The following RYR2 variants were observed in gnomAD, a reference collection of about 807,000 sequenced individuals.
RYR2 encodes the protein cardiac muscle ryanodine receptor-calcium release channel.
In RYR2, 227 loss-of-function variants were observed where a neutral mutation model predicts 601.1. The observed-to-expected ratio is 0.38, with a 90% CI of 0.34 to 0.42. The LOEUF (loss-of-function observed/expected upper bound fraction) is 0.42, where lower values mean the gene tolerates loss of function less well. Ranked by LOEUF, RYR2 falls within the 10% of genes least tolerant of loss-of-function variation. RYR2 has a pLI of 1.00. For synonymous variants in RYR2, 2,223 were observed against 2,175.1 expected (o/e 1.02, Z -0.61); for missense variants, 4,646 against 6,156.5 (o/e 0.75, Z 8.21).
chr1:237,654,372 A>T lies in RYR2; in HGVS notation c.7923A>T (p.Ser2641=), dbSNP rs1683045769. 6.2e-7 allele frequency: 1 copy of T among 1,613,968 alleles called. No homozygotes were observed. The highest frequency in any genetic ancestry group is 1.6e-4 in the Middle Eastern group (1 of 6,062). ...GAASEEELHL[S]RKLFWGIFDA... ...CCTCAGAAGAAGAACTTCATTTATC[A>T]AGAAAGTTGTTCTGGGGCATTTTTG... Residue 2641 remains serine (S), a synonymous_variant, in exon 52 of 105, where the codon TCA becomes TCT. Transcript: ENST00000366574.
chr1:237,632,520 G>A (rs920522702), intron 42 of RYR2, among the ~76,000 whole-genome samples: 2 of 151,002 alleles, frequency 1.3e-5, no homozygotes, highest in Admixed American at 6.6e-5. Context: ...TCAGCCTGCC[G>A]AGTGGCTGGG....
At chr1:237,627,771 T>A in intron 40 of RYR2, 36 bp from the exon 41 acceptor site, 1 of 1,528,168 alleles carries the variant, frequency 6.5e-7, no homozygotes, top group Non-Finnish European at 8.8e-7. Flanking sequence ...TCTTCTCTTA[T>A]TTTTCTTTTA....
chr1:237,746,562 T>C (rs968363711), intron 80 of RYR2, among the ~76,000 whole-genome samples: 39 of 152,184 alleles, frequency 2.6e-4, no homozygotes, highest in African/African-American at 8.7e-4. Context: ...GTTCATATGA[T>C]CCTGTTAAAT....
chr1:237,209,597 A>G (rs969126259), intron 1 of RYR2, among the ~76,000 whole-genome samples: 14 of 151,500 alleles, frequency 9.2e-5, no homozygotes, highest in African/African-American at 3.4e-4. Flanking sequence ...TTCTGCCTGT[A>G]ATCCCAGCAC....
At chr1:237,724,391 A>G (rs1262592737) in intron 74 of RYR2, among the ~76,000 whole-genome samples, 3 of 151,542 alleles carry the variant, frequency 2.0e-5, no homozygotes, top group Non-Finnish European at 4.4e-5. Context: ...TAATGCAAAG[A>G]TATCATCTAA....
At chr1:237,262,975 G>A (rs1040819212) in intron 1 of RYR2, among the ~76,000 whole-genome samples, 2 of 151,916 alleles carry the variant, frequency 1.3e-5, no homozygotes, top group Non-Finnish European at 2.9e-5. Flanking sequence ...TGACTGATTC[G>A]TTTAGATTAT....
intron 80 of RYR2, among the ~76,000 whole-genome samples, chr1:237,744,845 GGA>G (rs1386358880): frequency 6.9e-6 from 1 of 145,334 alleles, no homozygotes; most frequent in Non-Finnish European, 1.5e-5. Context: ...GTGTCAGGCT[GGA>G]GTGCAGTGGC....
intron 43 of RYR2, 42 bp from the exon 44 acceptor site, chr1:237,634,847 A>G: frequency 6.8e-7 from 1 of 1,464,664 alleles, no homozygotes; most frequent in Non-Finnish European, 9.4e-7. Flanking sequence ...TTATAGTTAC[A>G]GCACGATCCA....
chr1:237,758,576 T>C (rs953063197), intron 82 of RYR2, among the ~76,000 whole-genome samples: 1 of 152,242 alleles, frequency 6.6e-6, no homozygotes, highest in Non-Finnish European at 1.5e-5. Flanking sequence ...TATATGCATA[T>C]GTGCATATAC....
intron 25 of RYR2, among the ~76,000 whole-genome samples, chr1:237,539,803 A>G (rs1240626033): frequency 1.3e-5 from 2 of 152,162 alleles, no homozygotes; most frequent in African/African-American, 4.8e-5. Flanking sequence ...ACGTTTACCT[A>G]TGTAACCTGC....
At chr1:237,584,877 C>T (rs991952752) in intron 29 of RYR2, among the ~76,000 whole-genome samples, 1 of 150,098 alleles carries the variant, frequency 6.7e-6, no homozygotes, top group African/African-American at 2.4e-5. Context: ...AACTCCTAAG[C>T]AGTGTGCCCA....
At chr1:237,138,540 G>C (rs1212063260) in intron 1 of RYR2, among the ~76,000 whole-genome samples, 3 of 152,066 alleles carry the variant, frequency 2.0e-5, no homozygotes, top group Non-Finnish European at 4.4e-5. Context: ...TTTTTTATTA[G>C]ATTGGTGGTT....
chr1:237,488,746 G>A (rs1662983980), intron 17 of RYR2, among the ~76,000 whole-genome samples: 2 of 151,700 alleles, frequency 1.3e-5, no homozygotes. Flanking sequence ...AATGTACTTT[G>A]TACACCTACC....
intron 48 of RYR2, among the ~76,000 whole-genome samples, chr1:237,644,076 C>G (rs1681869592): frequency 6.6e-6 from 1 of 152,118 alleles, no homozygotes. Flanking sequence ...GTCGCAAGCT[C>G]TTCTGTCTTT....
rs547782417 is a variant in RYR2 at position 237,566,505 on chromosome 1, A to G, written c.3215-62A>G. ...TATCTTTCCTTCTTTTATTTATGATATCTTTCCTTCTCTTTCACCTCCCCA... is the reference window on the plus strand; with the variant it reads ...TATCTTTCCTTCTTTTATTTATGATGTCTTTCCTTCTCTTTCACCTCCCCA... On this transcript the variant is annotated intron_variant, in intron 27 of 104. Coordinates refer to ENST00000366574, the MANE Select transcript of RYR2 (RefSeq NM_001035.3). 30 of 1,483,310 alleles carry G rather than the reference A, an allele frequency of 2.0e-5. No individual in the cohort carries two copies. In the African/African-American group the frequency reaches 3.2e-4, roughly 16 times the overall value. 91.9% of individuals were successfully genotyped at this position (1,483,310 alleles called of 1,614,324 possible). A position where few individuals can be genotyped will look rare whatever the true frequency, so the allele number is the denominator to read the frequency against.
intron 98 of RYR2, among the ~76,000 whole-genome samples, chr1:237,802,612 C>G (rs1206721642): frequency 6.6e-6 from 1 of 152,224 alleles, no homozygotes; most frequent in Non-Finnish European, 1.5e-5. Flanking sequence ...TTCCAAGTAT[C>G]TTTCAGAACC....
chr1:237,057,662 A>T (rs554163607), intron 1 of RYR2, among the ~76,000 whole-genome samples: 69 of 152,194 alleles, frequency 4.5e-4, no homozygotes, highest in Non-Finnish European at 1.0e-3. Context: ...TTGAAAGGGG[A>T]GGAAGGGTAA....
At chr1:237,113,072 C>G (rs1669679669) in intron 1 of RYR2, among the ~76,000 whole-genome samples, 1 of 152,232 alleles carries the variant, frequency 6.6e-6, no homozygotes, top group South Asian at 2.1e-4. Flanking sequence ...AGAACAAAAC[C>G]CAGCTCTTTA....
At chr1:237,625,906 T>G in intron 40 of RYR2, 102 bp downstream of exon 40, 2 of 1,345,552 alleles carry the variant, frequency 1.5e-6, no homozygotes, top group Non-Finnish European at 2.0e-6. Context: ...GATAATTGAG[T>G]TTGCAACTTC....
Sources: gnomAD v4.1 joint callset for allele counts (sites outside exome capture counted in the v4.1 genomes callset) on GRCh38, gnomAD v4.1.1 for gene constraint, MANE v1.5 for transcripts, NCBI Gene and HGNC (gene_info 2026-07-23, HGNC 2026-07-21) for gene names.